ARHGAP28: variants seen among roughly 807,000 people sequenced by gnomAD.
The protein encoded by ARHGAP28 is rho GTPase-activating protein 28.
In ARHGAP28, 56 loss-of-function variants were observed where a neutral mutation model predicts 90.7. That is an observed-to-expected ratio of 0.62 (90% CI 0.50 to 0.77). The LOEUF (loss-of-function observed/expected upper bound fraction) is 0.77, where lower values mean the gene tolerates loss of function less well. Ranked by LOEUF, ARHGAP28 falls within the 30% of genes least tolerant of loss-of-function variation. ARHGAP28 has a pLI of 0.00. For missense variants in ARHGAP28, 869 were observed against 900.9 expected (o/e 0.96, Z 0.45); for synonymous variants, 308 against 323.3 (o/e 0.95, Z 0.51).
intron 3 of ARHGAP28, among the ~76,000 whole-genome samples, chr18:6,839,354 C>T (rs142632431): frequency 0.017 from 2,441 of 144,746 alleles, 41 homozygotes; most frequent in Non-Finnish European, 0.025. Flanking sequence ...AGTGCAGTGG[C>T]GCAATCTCGG....
At chr18:6,807,419 T>C (rs537448524) in intron 1 of ARHGAP28, among the ~76,000 whole-genome samples, 6 of 152,290 alleles carry the variant, frequency 3.9e-5, no homozygotes, top group African/African-American at 1.2e-4. Flanking sequence ...CTGGATACTT[T>C]TATAGTTCTA....
intron 11 of ARHGAP28, among the ~76,000 whole-genome samples, chr18:6,885,711 TA>T (rs1461688765): frequency 2.0e-5 from 3 of 152,076 alleles, no homozygotes; most frequent in African/African-American, 7.2e-5. Context: ...AAACTTAACT[TA>T]AAAGAGCTTC....
intron 7 of ARHGAP28, among the ~76,000 whole-genome samples, chr18:6,871,438 G>A (rs1429310040): frequency 6.6e-6 from 1 of 152,190 alleles, no homozygotes; most frequent in Non-Finnish European, 1.5e-5. Context: ...GTCATGAGAG[G>A]AAGTGAGAGC....
chr18:6,890,380 GTT>G, intron 13 of ARHGAP28, 48 bp from the exon 14 acceptor site: 1 of 1,232,648 alleles, frequency 8.1e-7, no homozygotes, highest in Non-Finnish European at 1.2e-6. Context: ...CTGCTAGGGA[GTT>G]TGAATTCAAG....
intron 16 of ARHGAP28, chr18:6,898,369 G>A: frequency 2.8e-6 from 2 of 715,234 alleles, no homozygotes; most frequent in Non-Finnish European, 4.6e-6. Flanking sequence ...CTTCTGACTT[G>A]TACATTTTAT....
chr18:6,870,919 G>T (rs1005351836), intron 7 of ARHGAP28, among the ~76,000 whole-genome samples, 187 bp downstream of exon 7: 1 of 152,016 alleles, frequency 6.6e-6, no homozygotes, highest in Admixed American at 6.6e-5. Flanking sequence ...TCCTGCCTCA[G>T]CCTCCCGAGT....
At chr18:6,877,969 T>A (rs995433552) in intron 10 of ARHGAP28, among the ~76,000 whole-genome samples, 1 of 151,158 alleles carries the variant, frequency 6.6e-6, no homozygotes, top group African/African-American at 2.4e-5. Flanking sequence ...TGTGTGTGTG[T>A]ATGTGCATGT....
At chr18:6,804,019 T>A (rs561864855) in intron 1 of ARHGAP28, among the ~76,000 whole-genome samples, 1 of 152,304 alleles carries the variant, frequency 6.6e-6, no homozygotes, top group South Asian at 2.1e-4. Flanking sequence ...GACCTTGTGA[T>A]CCACCTGCCT....
chr18:6,757,231 A>G (rs996682459), intron 1 of ARHGAP28, among the ~76,000 whole-genome samples: 3 of 152,172 alleles, frequency 2.0e-5, no homozygotes, highest in Non-Finnish European at 4.4e-5. Context: ...GGTTAGTGTA[A>G]TAAGCCATTA....
At chr18:6,885,010 G>A (rs961334638) in intron 11 of ARHGAP28, among the ~76,000 whole-genome samples, 8 of 152,090 alleles carry the variant, frequency 5.3e-5, no homozygotes, top group African/African-American at 1.9e-4. Flanking sequence ...AGACCTAATC[G>A]GTATGACTTC....
At chr18:6,856,320 A>T (rs903861559) in intron 4 of ARHGAP28, among the ~76,000 whole-genome samples, 28 of 152,282 alleles carry the variant, frequency 1.8e-4, no homozygotes, top group African/African-American at 6.7e-4. Flanking sequence ...TTAATCTCTA[A>T]TATACCCATT....
In ARHGAP28 at chr18:6,882,130, T is replaced by C; in HGVS notation, c.1291-7T>C. ...ATTGAATACTGACTGTTTTCCTTGA[T>C]TTACAGCAATACCGTGAAGAACTTG... On this transcript the variant is annotated splice_region_variant and splice_polypyrimidine_tract_variant and intron_variant, in intron 10 of 17. Coordinates refer to ENST00000383472, the MANE Select transcript of ARHGAP28 (RefSeq NM_001366230.1). 6.2e-7 allele frequency: 1 copy of C among 1,609,228 alleles called. No homozygotes were observed. The highest frequency in any genetic ancestry group is 8.5e-7 in the Non-Finnish European group (1 of 1,177,526).
chr18:6,861,594 G>A (rs570720080), intron 5 of ARHGAP28, among the ~76,000 whole-genome samples: 48 of 152,268 alleles, frequency 3.2e-4, no homozygotes, highest in Middle Eastern at 3.4e-3. Flanking sequence ...ACAGGACTGC[G>A]TGTGGTTCCA....
chr18:6,810,189 G>T (rs1207581654), intron 1 of ARHGAP28, among the ~76,000 whole-genome samples: 1 of 152,132 alleles, frequency 6.6e-6, no homozygotes, highest in Non-Finnish European at 1.5e-5. Context: ...TGAGATACCA[G>T]TAAGTGTATT....
chr18:6,829,667 A>G (rs975504047), intron 2 of ARHGAP28, among the ~76,000 whole-genome samples: 9 of 152,114 alleles, frequency 5.9e-5, no homozygotes, highest in African/African-American at 2.2e-4. Context: ...CATGCCTCCC[A>G]ATGACTTGCC....
chr18:6,855,960 G>A (rs760389822), intron 4 of ARHGAP28, among the ~76,000 whole-genome samples: 14 of 152,234 alleles, frequency 9.2e-5, no homozygotes, highest in Admixed American at 4.6e-4. Context: ...TTGCCACTCC[G>A]CACCTAGCTT....
intron 5 of ARHGAP28, among the ~76,000 whole-genome samples, chr18:6,866,864 A>G (rs2057041832): frequency 6.6e-6 from 1 of 152,202 alleles, no homozygotes; most frequent in South Asian, 2.1e-4. Context: ...AAAAAGTCTT[A>G]TCAATTTTCA....
chr18:6,910,969 G>T (rs12967230), intron 17 of ARHGAP28, among the ~76,000 whole-genome samples: 3 of 151,120 alleles, frequency 2.0e-5, no homozygotes, highest in Non-Finnish European at 4.4e-5. Context: ...CTCAGCCTCC[G>T]GAGTAGCTGG....
intron 3 of ARHGAP28, among the ~76,000 whole-genome samples, chr18:6,847,213 A>G (rs923298033): frequency 3.9e-5 from 6 of 151,996 alleles, no homozygotes; most frequent in Non-Finnish European, 7.4e-5. Flanking sequence ...ACCTGATTTC[A>G]CCAGATTTCC....
Sources: gnomAD v4.1 joint callset for allele counts (sites outside exome capture counted in the v4.1 genomes callset) on GRCh38, gnomAD v4.1.1 for gene constraint, MANE v1.5 for transcripts, NCBI Gene and HGNC (gene_info 2026-07-23, HGNC 2026-07-21) for gene names.